ATP8A2: variants seen among roughly 807,000 people sequenced by gnomAD.
The protein encoded by ATP8A2 is phospholipid-transporting ATPase IB.
Under a neutral mutation model 165.6 loss-of-function variants are expected in ATP8A2, and 100 were observed. That is an observed-to-expected ratio of 0.60 (90% CI 0.51 to 0.71). ATP8A2 has a LOEUF of 0.71. Among genes scored for constraint, ATP8A2 ranks in the 30% least tolerant of loss-of-function variants. ATP8A2 has a pLI of 0.00. For synonymous variants in ATP8A2, 543 were observed against 548.8 expected (o/e 0.99, Z 0.15); for missense variants, 1,227 against 1,479.5 (o/e 0.83, Z 2.80).
chr13:25,982,453 A>C (rs1956190075), intron 35 of ATP8A2, among the ~76,000 whole-genome samples: 1 of 152,224 alleles, frequency 6.6e-6, no homozygotes, highest in Middle Eastern at 3.2e-3. Flanking sequence ...TGCCGGACAA[A>C]TTGGTTGTAT....
intron 2 of ATP8A2, among the ~76,000 whole-genome samples, chr13:25,528,422 C>G (rs2137889579): frequency 6.6e-6 from 1 of 152,342 alleles, no homozygotes; most frequent in East Asian, 1.9e-4. Flanking sequence ...GCATGATTTT[C>G]TCTGAGGCAG....
At chr13:25,572,628 A>G (rs1316085922) in intron 18 of ATP8A2, among the ~76,000 whole-genome samples, 1 of 152,138 alleles carries the variant, frequency 6.6e-6, no homozygotes, top group Non-Finnish European at 1.5e-5. Flanking sequence ...GATGGTTATG[A>G]CTGGTGAGGC....
At chr13:25,571,027 A>T (rs887327468) in intron 17 of ATP8A2, among the ~76,000 whole-genome samples, 155 bp downstream of exon 17, 1 of 152,144 alleles carries the variant, frequency 6.6e-6, no homozygotes, top group African/African-American at 2.4e-5. Flanking sequence ...ACAGGTGCAA[A>T]GCCGTAGAGA....
At chr13:25,733,000 C>T (rs2043686145) in intron 25 of ATP8A2, among the ~76,000 whole-genome samples, 1 of 151,940 alleles carries the variant, frequency 6.6e-6, no homozygotes, top group African/African-American at 2.4e-5. Context: ...AATTTTCCCA[C>T]AAGTAAGAAA....
intron 2 of ATP8A2, among the ~76,000 whole-genome samples, chr13:25,489,711 T>C (rs756221514): frequency 1.3e-5 from 2 of 152,228 alleles, no homozygotes; most frequent in Non-Finnish European, 2.9e-5. Context: ...TTCTCAGATA[T>C]CCCTTCACAC....
chr13:25,834,899 G>C (rs1459136193), intron 28 of ATP8A2, among the ~76,000 whole-genome samples: 1 of 152,108 alleles, frequency 6.6e-6, no homozygotes, highest in Non-Finnish European at 1.5e-5. Flanking sequence ...CTCCTGTCTT[G>C]GCCTCCCAAA....
At chr13:25,764,565 T>G (rs945260844) in intron 25 of ATP8A2, among the ~76,000 whole-genome samples, 9 of 152,178 alleles carry the variant, frequency 5.9e-5, no homozygotes, top group African/African-American at 9.6e-5. Context: ...GCCGGGAGCT[T>G]GTTAGAAATG....
intron 24 of ATP8A2, among the ~76,000 whole-genome samples, chr13:25,680,464 T>TGA (rs547988329): frequency 1.9e-4 from 29 of 152,234 alleles, no homozygotes; most frequent in Admixed American, 1.4e-3. Flanking sequence ...CCAGGAGCTG[T>TGA]GAGAGAGTAC....
rs2044129919 is a variant in ATP8A2, at chr13:25,750,460, C to T, written c.2385-18586C>T. Among the ~76,000 whole-genome samples the T allele has an allele frequency of 6.6e-6, 1 of 152,152 alleles. No individual in the cohort carries two copies. The highest frequency in any genetic ancestry group is 2.1e-4 in the South Asian group (1 of 4,820). ...CCCCCACACTGAAGCAGCCTCCCTC[C>T]CCACAGCTATCCCCCCGATTCTGAC... is the stretch of plus-strand genomic sequence containing the variant. On this transcript the variant is annotated intron_variant, in intron 25 of 36. Transcript: ENST00000381655. The surrounding 1 kb of genome is among the most constrained non-coding windows in gnomAD (Gnocchi z 4.3).
At chr13:25,554,740 AGT>A (rs1431999437) in intron 12 of ATP8A2, among the ~76,000 whole-genome samples, 4 of 152,040 alleles carry the variant, frequency 2.6e-5, no homozygotes, top group African/African-American at 4.8e-5. Context: ...TTGTATTTTG[AGT>A]AAAGACAGGG....
chr13:25,709,149 C>G (rs905616290), intron 25 of ATP8A2, among the ~76,000 whole-genome samples: 1 of 152,182 alleles, frequency 6.6e-6, no homozygotes, highest in Non-Finnish European at 1.5e-5. Flanking sequence ...CCCTCCCCAA[C>G]CGTCCCATCA....
At chr13:25,558,619 C>T (rs2039051739) in intron 13 of ATP8A2, among the ~76,000 whole-genome samples, 2 of 152,126 alleles carry the variant, frequency 1.3e-5, no homozygotes, top group African/African-American at 4.8e-5. Flanking sequence ...GGAGTTTCCT[C>T]TGGAGGCAAT....
At chr13:25,682,310 A>G (rs989529498) in intron 24 of ATP8A2, among the ~76,000 whole-genome samples, 3 of 151,984 alleles carry the variant, frequency 2.0e-5, no homozygotes, top group Non-Finnish European at 4.4e-5. Flanking sequence ...AACACCTTAT[A>G]GTTTTGAGAG....
intron 33 of ATP8A2, among the ~76,000 whole-genome samples, chr13:25,902,781 C>T (rs1053109544): frequency 6.6e-6 from 1 of 152,112 alleles, no homozygotes; most frequent in African/African-American, 2.4e-5. Context: ...GACCCCAATT[C>T]TATGTGTTCA....
At chr13:25,643,713 T>C (rs1027719025) in intron 24 of ATP8A2, among the ~76,000 whole-genome samples, 3 of 152,076 alleles carry the variant, frequency 2.0e-5, no homozygotes, top group Admixed American at 2.0e-4. Flanking sequence ...CTGTGTTCTT[T>C]TTCTTCGTGA....
intron 36 of ATP8A2, among the ~76,000 whole-genome samples, chr13:26,013,024 A>G (rs1378999907): frequency 1.3e-5 from 2 of 152,140 alleles, no homozygotes; most frequent in African/African-American, 4.8e-5. Context: ...TGCTTCTCCC[A>G]GGAAGGCTGC....
At chr13:25,670,065 C>A (rs1415130207) in intron 24 of ATP8A2, among the ~76,000 whole-genome samples, 3 of 152,226 alleles carry the variant, frequency 2.0e-5, no homozygotes, top group African/African-American at 7.2e-5. Context: ...CGCTTTCTTA[C>A]TCAAATCCAG....
chr13:25,652,098 T>C (rs925057689), intron 24 of ATP8A2, among the ~76,000 whole-genome samples: 15 of 152,140 alleles, frequency 9.9e-5, no homozygotes, highest in Non-Finnish European at 1.6e-4. Context: ...CTGAAGTGCT[T>C]TTTAGAGACA....
intron 33 of ATP8A2, among the ~76,000 whole-genome samples, chr13:25,930,401 G>C (rs559335087): frequency 1.4e-3 from 189 of 139,436 alleles, no homozygotes; most frequent in African/African-American, 4.8e-3. Context: ...TTCCTCCTGT[G>C]CATTAGGCCT....
Sources: allele counts gnomAD v4.1 joint callset (sites outside exome capture counted in the v4.1 genomes callset), GRCh38; gene constraint gnomAD v4.1.1; non-coding constraint Gnocchi (gnomAD v3.1); transcripts MANE v1.5; gene names NCBI Gene and HGNC (gene_info 2026-07-23, HGNC 2026-07-21).